Variants in MEIS2 observed in about 807,000 individuals in gnomAD.
MEIS2 encodes homeobox protein Meis2.
Under a neutral mutation model 58.6 loss-of-function variants are expected in MEIS2, and 9 were observed. The observed-to-expected ratio is 0.15, with a 90% CI of 0.09 to 0.27. The LOEUF (loss-of-function observed/expected upper bound fraction) is 0.27. Among genes scored for constraint, MEIS2 ranks in the 10% least tolerant of loss-of-function variants. The pLI, the probability that MEIS2 is intolerant of heterozygous loss-of-function variation, is 1.00. For missense variants in MEIS2, 427 were observed against 635.0 expected (o/e 0.67, Z 3.52); for synonymous variants, 221 against 228.4 (o/e 0.97, Z 0.29).
chr15:36,965,764 C>T (rs2059333342), intron 8 of MEIS2, among the ~76,000 whole-genome samples: 1 of 152,164 alleles, frequency 6.6e-6, no homozygotes, highest in Non-Finnish European at 1.5e-5. Flanking sequence ...ACTTCTGTGG[C>T]TAATGTCTGC....
At chr15:37,047,327 T>C (rs942705789) in intron 7 of MEIS2, among the ~76,000 whole-genome samples, 1 of 152,088 alleles carries the variant, frequency 6.6e-6, no homozygotes, top group African/African-American at 2.4e-5. Flanking sequence ...CTCCCTAGAG[T>C]GGCATTTCAG....
At chr15:37,057,805 C>T (rs938434924) in intron 7 of MEIS2, among the ~76,000 whole-genome samples, 5 of 151,924 alleles carry the variant, frequency 3.3e-5, no homozygotes, top group African/African-American at 7.3e-5. Context: ...GAATGACAGA[C>T]GACAGGGTAA....
rs554674116 is a variant in MEIS2, at chr15:37,015,863, T to C, written c.900+20951A>G. On this transcript the variant is annotated intron_variant, in intron 8 of 11. Transcript: ENST00000561208. ...TCTCCATGCTTTTACATTCTACATA[T>C]GGATTTTTAAAGTATATAGTAGGAG... 3.3e-5 allele frequency among the ~76,000 whole-genome samples: 5 copies of C among 152,242 alleles called. No individual in the cohort carries two copies. The South Asian group carries it at 1.0e-3, about 32-fold the overall frequency.
intron 8 of MEIS2, among the ~76,000 whole-genome samples, chr15:37,023,132 T>A (rs59062929): frequency 0.08 from 12,208 of 152,262 alleles, 566 homozygotes; most frequent in East Asian, 0.22. Flanking sequence ...ATTTAATCTA[T>A]CACAGTTTTT....
At chr15:37,096,611 G>T in intron 2 of MEIS2, 181 bp from the exon 3 acceptor site, 1 of 650,010 alleles carries the variant, frequency 1.5e-6, no homozygotes, top group Non-Finnish European at 2.4e-6. Context: ...AAAGGGAAAA[G>T]GGCCTGGCCC....
intron 8 of MEIS2, among the ~76,000 whole-genome samples, chr15:37,017,220 A>C (rs971718916): frequency 6.6e-6 from 1 of 152,216 alleles, no homozygotes. Flanking sequence ...AAAAATGAGG[A>C]AGAATGAAAA....
intron 2 of MEIS2, chr15:37,097,505 C>G (rs911737658): frequency 6.4e-6 from 1 of 157,146 alleles, no homozygotes; most frequent in African/African-American, 2.4e-5. Context: ...AGCCCTGATC[C>G]CAGCTCAAGC....
chr15:36,935,005 T>C (rs980672750), intron 9 of MEIS2, among the ~76,000 whole-genome samples: 2 of 152,112 alleles, frequency 1.3e-5, no homozygotes, highest in African/African-American at 4.8e-5. Context: ...GGCTCCTTAA[T>C]AGTTTGACTC....
intron 3 of MEIS2, 103 bp from the exon 4 acceptor site, chr15:37,095,717 A>T: frequency 6.5e-7 from 1 of 1,549,358 alleles, no homozygotes. Flanking sequence ...AGAAGAGGAA[A>T]GGGGCTTTGG....
intron 9 of MEIS2, chr15:36,898,772 G>C (rs1274571165): frequency 2.0e-5 from 3 of 152,160 alleles, no homozygotes; most frequent in Admixed American, 6.5e-5. Flanking sequence ...TTGGATACTA[G>C]TCAGAATGTT....
intron 9 of MEIS2, among the ~76,000 whole-genome samples, chr15:36,943,298 G>C (rs1264586832): frequency 6.6e-6 from 1 of 152,102 alleles, no homozygotes. Context: ...GGACTTATTT[G>C]AGCAAACTTT....
chr15:37,034,171 T>C (rs1023694930), intron 8 of MEIS2, among the ~76,000 whole-genome samples: 3 of 152,182 alleles, frequency 2.0e-5, no homozygotes, highest in Non-Finnish European at 2.9e-5. Flanking sequence ...GACCGGGCAT[T>C]GCTCTGACTA....
At chr15:36,926,163 T>C (rs927183531) in intron 9 of MEIS2, among the ~76,000 whole-genome samples, 1 of 152,230 alleles carries the variant, frequency 6.6e-6, no homozygotes, top group East Asian at 1.9e-4. Flanking sequence ...TCCTTTTTTT[T>C]TTTTTCTTGA....
intron 9 of MEIS2, chr15:36,897,946 G>A (rs1314459511): frequency 6.6e-6 from 1 of 152,212 alleles, no homozygotes; most frequent in Non-Finnish European, 1.5e-5. Context: ...CCCTTTGGAG[G>A]AGGACAGTCA....
At chr15:37,000,273 G>T (rs569291438) in intron 8 of MEIS2, among the ~76,000 whole-genome samples, 12 of 152,210 alleles carry the variant, frequency 7.9e-5, no homozygotes, top group African/African-American at 2.9e-4. Flanking sequence ...GCTTTTAGGA[G>T]CCACTCTACT....
chr15:37,037,069 G>C, intron 7 of MEIS2, 110 bp from the exon 8 acceptor site: 1 of 1,054,206 alleles, frequency 9.5e-7, no homozygotes. Flanking sequence ...CATTAAGCGA[G>C]TATATTCTCT....
Position 36,942,196 on chromosome 15 carries a change from G to A in MEIS2, c.977+8128C>T, listed in dbSNP as rs112802716. On this transcript the variant is annotated intron_variant, in intron 9 of 11. Coordinates refer to ENST00000561208, the MANE Select transcript of MEIS2 (RefSeq NM_170675.5). ...CACCGAATGATCAGTCAGCAATGAC[G>A]ATTCTGATTTATGCACAAAACCAAA... 3.9e-5 allele frequency among the ~76,000 whole-genome samples: 6 copies of A among 152,280 alleles called. 1 individual carries two copies. The highest frequency in any genetic ancestry group is 1.4e-4 in the African/African-American group (6 of 41,556).
intron 7 of MEIS2, among the ~76,000 whole-genome samples, chr15:37,079,489 G>C (rs547482278): frequency 1.3e-5 from 2 of 152,014 alleles, no homozygotes; most frequent in South Asian, 4.2e-4. Flanking sequence ...CCCACAGTAA[G>C]TGGGTTTGAA....
chr15:36,897,167 C>A (rs986246685), intron 9 of MEIS2: 3 of 160,994 alleles, frequency 1.9e-5, no homozygotes, highest in African/African-American at 7.2e-5. Flanking sequence ...ATCACCAACA[C>A]AGCAGTAATA....
Sources: allele counts gnomAD v4.1 joint callset (sites outside exome capture counted in the v4.1 genomes callset), GRCh38; gene constraint gnomAD v4.1.1; transcripts MANE v1.5; gene names NCBI Gene and HGNC (gene_info 2026-07-23, HGNC 2026-07-21).